PLCXD3: variants seen among roughly 807,000 people sequenced by gnomAD.
PLCXD3 encodes PI-PLC X domain-containing protein 3.
PLCXD3 carries 19 observed loss-of-function variants against 25.5 expected under a neutral mutation model. That is an observed-to-expected ratio of 0.75 (90% confidence interval 0.52 to 1.09). PLCXD3 has a LOEUF of 1.09. Ranked by LOEUF, PLCXD3 falls within the 50% of genes least tolerant of loss-of-function variation. The pLI is 0.00. For missense variants in PLCXD3, 411 were observed against 388.1 expected (o/e 1.06, Z -0.50); for synonymous variants, 174 against 137.6 (o/e 1.26, Z -1.85).
intron 1 of PLCXD3, among the ~76,000 whole-genome samples, chr5:41,432,523 A>G (rs1163970355): frequency 6.6e-6 from 1 of 152,158 alleles, no homozygotes. Flanking sequence ...TTAGTGATAA[A>G]CTGCATGTTA....
At chr5:41,379,869 T>C (rs1254140650) in intron 2 of PLCXD3, among the ~76,000 whole-genome samples, 1 of 151,974 alleles carries the variant, frequency 6.6e-6, no homozygotes, top group South Asian at 2.1e-4. Context: ...ACCATACAAA[T>C]ATAAGAAATG....
At chr5:41,399,604 A>G (rs968095571) in intron 1 of PLCXD3, among the ~76,000 whole-genome samples, 1 of 152,120 alleles carries the variant, frequency 6.6e-6, no homozygotes, top group Non-Finnish European at 1.5e-5. Flanking sequence ...AAAAGATAGT[A>G]TCTTCCATAA....
chr5:41,382,481 C>T lies in PLCXD3; in HGVS notation c.157G>A (p.Glu53Lys). The T allele has an allele frequency of 2.5e-6, 4 of 1,610,474 alleles. No individual in the cohort carries two copies. Among genetic ancestry groups the T allele is most frequent in the Non-Finnish European group, 3.4e-6 (4 of 1,179,578 alleles). Reference protein sequence around the residue: ...YIDEASPVGPEQPETVQNFVS... With the variant: ...YIDEASPVGPKQPETVQNFVS... ...AAATTCTGGACAGTTTCTGGCTGCT[C>T]AGGACCTACTGGAGAGGCTTCATCA... The change falls in exon 2 of 3, where the codon GAG becomes AAG. Residue 53 changes from glutamate (E) to lysine (K), a missense_variant. Coordinates refer to ENST00000377801, the MANE Select transcript of PLCXD3 (RefSeq NM_001005473.3).
chr5:41,454,290 A>G (rs999936188), intron 1 of PLCXD3, among the ~76,000 whole-genome samples: 5 of 152,034 alleles, frequency 3.3e-5, no homozygotes, highest in African/African-American at 1.2e-4. Context: ...AAAATACCAT[A>G]AACCAGGTAG....
intron 1 of PLCXD3, among the ~76,000 whole-genome samples, chr5:41,451,954 G>T (rs904360075): frequency 6.6e-6 from 1 of 151,958 alleles, no homozygotes; most frequent in Non-Finnish European, 1.5e-5. Context: ...GGAATTTTGT[G>T]TGCATGTTGA....
chr5:41,333,778 T>C (rs776728011), intron 2 of PLCXD3, among the ~76,000 whole-genome samples: 4 of 152,180 alleles, frequency 2.6e-5, no homozygotes, highest in Non-Finnish European at 5.9e-5. Flanking sequence ...TCTTACTATG[T>C]CCTTCATTAT....
At chr5:41,348,013 T>A (rs561445141) in intron 2 of PLCXD3, among the ~76,000 whole-genome samples, 1 of 152,312 alleles carries the variant, frequency 6.6e-6, no homozygotes, top group Admixed American at 6.5e-5. Flanking sequence ...CAGTGGAGAT[T>A]TTTTAGAGAT....
intron 2 of PLCXD3, among the ~76,000 whole-genome samples, chr5:41,365,381 A>G (rs529018311): frequency 1.3e-5 from 2 of 152,312 alleles, no homozygotes; most frequent in East Asian, 1.9e-4. Flanking sequence ...CACTTTTGCC[A>G]TCTTTCTTTC....
intron 1 of PLCXD3, among the ~76,000 whole-genome samples, chr5:41,467,247 T>C (rs367801602): frequency 1.4e-4 from 21 of 152,288 alleles, no homozygotes; most frequent in African/African-American, 4.6e-4. Flanking sequence ...AAAGCCATTC[T>C]AATAGGTGTG....
chr5:41,454,029 T>C (rs1747696542), intron 1 of PLCXD3, among the ~76,000 whole-genome samples: 1 of 151,984 alleles, frequency 6.6e-6, no homozygotes, highest in African/African-American at 2.4e-5. Context: ...CTCCCAGGAA[T>C]CTATTAAGTC....
chr5:41,318,969 TATATC>T (rs1268531962), intron 2 of PLCXD3, among the ~76,000 whole-genome samples: 2 of 152,170 alleles, frequency 1.3e-5, no homozygotes, highest in African/African-American at 4.8e-5. Context: ...TTGCTATACT[TATATC>T]AGACAAAATA....
chr5:41,315,867 C>A (rs150693820), intron 2 of PLCXD3, among the ~76,000 whole-genome samples: 2 of 152,306 alleles, frequency 1.3e-5, no homozygotes, highest in African/African-American at 4.8e-5. Flanking sequence ...CCAGGCCTAG[C>A]CAGAGAGGGA....
chr5:41,392,865 T>G (rs1375605388), intron 1 of PLCXD3, among the ~76,000 whole-genome samples: 1 of 152,008 alleles, frequency 6.6e-6, no homozygotes, highest in Non-Finnish European at 1.5e-5. Context: ...ACAAAGACAT[T>G]GAAATAATTA....
chr5:41,389,140 G>A (rs77933235), intron 1 of PLCXD3, among the ~76,000 whole-genome samples: 6,760 of 152,030 alleles, frequency 0.044, 194 homozygotes, highest in Non-Finnish European at 0.062. Context: ...ACTTGGATCA[G>A]AAAATACTGG....
intron 1 of PLCXD3, among the ~76,000 whole-genome samples, 158 bp downstream of exon 1, chr5:41,510,266 G>C (rs1739015032): frequency 6.6e-6 from 1 of 152,188 alleles, no homozygotes; most frequent in African/African-American, 2.4e-5. Context: ...GAAGCCCAAG[G>C]CTACCCGGCA....
intron 1 of PLCXD3, among the ~76,000 whole-genome samples, chr5:41,446,858 A>G (rs931801427): frequency 6.6e-6 from 1 of 152,196 alleles, no homozygotes; most frequent in Non-Finnish European, 1.5e-5. Flanking sequence ...GCTAGTTTCA[A>G]CTGAACAAGC....
intron 2 of PLCXD3, among the ~76,000 whole-genome samples, chr5:41,364,782 T>C (rs141585268): frequency 4.6e-5 from 7 of 152,308 alleles, no homozygotes; most frequent in African/African-American, 1.4e-4. Context: ...GTCCCAGCAG[T>C]GGCTCCCTTT....
At chr5:41,475,461 T>C (rs318040) in intron 1 of PLCXD3, among the ~76,000 whole-genome samples, 34,641 of 152,124 alleles carry the variant, frequency 0.23, 4,564 homozygotes, top group African/African-American at 0.34. Flanking sequence ...GTCCGTATGG[T>C]CCCTGTTAGT....
chr5:41,474,002 C>T (rs973989525), intron 1 of PLCXD3, among the ~76,000 whole-genome samples: 1 of 152,194 alleles, frequency 6.6e-6, no homozygotes, highest in African/African-American at 2.4e-5. Flanking sequence ...GTCACTACAA[C>T]AGTTACTACT....
Sources: gnomAD v4.1 joint callset for allele counts (sites outside exome capture counted in the v4.1 genomes callset) on GRCh38, gnomAD v4.1.1 for gene constraint, MANE v1.5 for transcripts, NCBI Gene and HGNC (gene_info 2026-07-23, HGNC 2026-07-21) for gene names.